PPP1R13B: variants seen among roughly 807,000 people sequenced by gnomAD.
PPP1R13B encodes protein phosphatase 1 regulatory subunit 13B, also known as apoptosis-stimulating of p53 protein 1.
Under a neutral mutation model 119.8 loss-of-function variants are expected in PPP1R13B, and 44 were observed. The observed-to-expected ratio is 0.37, with a 90% CI of 0.29 to 0.47. The LOEUF (loss-of-function observed/expected upper bound fraction) is 0.47. Ranked by LOEUF, PPP1R13B falls within the 20% of genes least tolerant of loss-of-function variation. PPP1R13B has a pLI of 0.99. For synonymous variants in PPP1R13B, 542 were observed against 561.5 expected, an observed-to-expected ratio of 0.97 and a Z score of 0.49; for missense variants, 1,227 against 1,413.5, an observed-to-expected ratio of 0.87 and a Z score of 2.12.
intron 1 of PPP1R13B, among the ~76,000 whole-genome samples, chr14:103,807,450 G>A (rs116090221): frequency 0.013 from 1,937 of 152,284 alleles, 41 homozygotes; most frequent in African/African-American, 0.043. Flanking sequence ...CTGAAGCAGT[G>A]CCTGGCACGT....
chr14:103,823,158 G>A (rs2086451847), intron 1 of PPP1R13B, among the ~76,000 whole-genome samples: 1 of 152,130 alleles, frequency 6.6e-6, no homozygotes, highest in East Asian at 1.9e-4. Context: ...GTAACACGGT[G>A]AAACCCTGTC....
chr14:103,734,350 G>T lies in PPP1R13B; in HGVS notation c.*804C>A. The T allele has an allele frequency of 5.3e-6, 2 of 373,836 alleles. No individual in the cohort carries two copies. Among genetic ancestry groups the T allele is most frequent in the Admixed American group, 3.1e-5 (1 of 32,278 alleles). 23.2% of individuals were successfully genotyped at this position (373,836 alleles called of 1,614,324 possible). On this transcript the variant is annotated 3_prime_UTR_variant, in exon 17 of 17. Coordinates refer to ENST00000202556, the MANE Select transcript of PPP1R13B (RefSeq NM_015316.3). ...GCCCCAACCCCAACCACCCTCCGCT[G>T]CCACGGCCTCCAGCACCTGACTCCA...
At chr14:103,753,968 T>C in intron 6 of PPP1R13B, 102 bp downstream of exon 6, 3 of 1,379,702 alleles carry the variant, frequency 2.2e-6, no homozygotes, top group Non-Finnish European at 3.0e-6. Flanking sequence ...GCTTGCTATT[T>C]AGTCCTGTGA....
chr14:103,792,169 C>CGTGTGTGTGTGTGTGTGTGTGTGT (rs58782839), intron 2 of PPP1R13B, among the ~76,000 whole-genome samples: 4 of 137,172 alleles, frequency 2.9e-5, no homozygotes, highest in African/African-American at 8.0e-5. Context: ...CTCTATTCAT[C>CGTGTGTGTGTGTGTGTGTGTGTGT]GTGTGTGTGT....
intron 1 of PPP1R13B, chr14:103,846,633 C>A (rs1004009717): frequency 3.3e-5 from 14 of 420,854 alleles, no homozygotes; most frequent in South Asian, 1.7e-4. Context: ...AGGGAAGGGT[C>A]GGTAGGACGA....
intron 2 of PPP1R13B, among the ~76,000 whole-genome samples, chr14:103,789,616 C>T (rs111895424): frequency 1.3e-5 from 2 of 151,956 alleles, no homozygotes; most frequent in Admixed American, 1.3e-4. Flanking sequence ...CGGGTTCAAG[C>T]GATTCTCCTG....
At chr14:103,735,872 C>A in intron 16 of PPP1R13B, 131 bp downstream of exon 16, 1 of 1,001,950 alleles carries the variant, frequency 1.0e-6, no homozygotes, top group South Asian at 1.6e-5. Context: ...TAGGCACCTC[C>A]CCCTCTACAG....
chr14:103,762,332 A>G (rs2084826273), intron 4 of PPP1R13B, among the ~76,000 whole-genome samples: 1 of 151,910 alleles, frequency 6.6e-6, no homozygotes, highest in Admixed American at 6.6e-5. Context: ...TTAAACATCT[A>G]CTGGCAAATG....
Position 103,740,666 on chromosome 14 carries a change from C to T in PPP1R13B, c.1823-73G>A, listed in dbSNP as rs2151964862. 7.9e-7 allele frequency: 1 copy of T among 1,262,696 alleles called. No individual in the cohort carries two copies. Among genetic ancestry groups the T allele is most frequent in the Non-Finnish European group, 1.0e-6 (1 of 963,790 alleles). 78.2% of individuals were successfully genotyped at this position (1,262,696 alleles called of 1,614,324 possible). A position where few individuals can be genotyped will look rare whatever the true frequency, so the allele number is the denominator to read the frequency against. Reference sequence around the variant, plus strand: ...CTAGTCATACACACCTATGATTACACCAGAGACAGGCTCCTGCAAAGACAC... The same window carrying T: ...CTAGTCATACACACCTATGATTACATCAGAGACAGGCTCCTGCAAAGACAC... On this transcript the variant is annotated intron_variant, in intron 11 of 16. Transcript: ENST00000202556. The surrounding 1 kb of genome is among the most constrained non-coding windows in gnomAD (Gnocchi z 4.6).
At chr14:103,737,567 C>T (rs1230135681) in intron 15 of PPP1R13B, 127 bp downstream of exon 15, 1 of 1,220,002 alleles carries the variant, frequency 8.2e-7, no homozygotes, top group Middle Eastern at 2.8e-4. Flanking sequence ...CAGAATGAGA[C>T]CTTGTCTCCT....
chr14:103,844,258 A>C (rs1049450447), intron 1 of PPP1R13B, among the ~76,000 whole-genome samples: 8 of 151,016 alleles, frequency 5.3e-5, no homozygotes, highest in Non-Finnish European at 8.9e-5. Context: ...CAGGAGTGAA[A>C]CCCTGTCTCG....
intron 3 of PPP1R13B, among the ~76,000 whole-genome samples, chr14:103,784,506 T>C (rs7401901): frequency 0.46 from 66,284 of 143,700 alleles, 15,294 homozygotes; most frequent in African/African-American, 0.58. Flanking sequence ...TCCCTTGAAC[T>C]CCGGAGGTGG....
intron 4 of PPP1R13B, among the ~76,000 whole-genome samples, chr14:103,759,726 C>G (rs2084760741): frequency 6.6e-6 from 1 of 152,070 alleles, no homozygotes; most frequent in East Asian, 1.9e-4. Flanking sequence ...TCTGGTCTCC[C>G]CCACCAAAGG....
At chr14:103,803,672 T>A (rs1012332351) in intron 1 of PPP1R13B, among the ~76,000 whole-genome samples, 5 of 152,142 alleles carry the variant, frequency 3.3e-5, no homozygotes, top group African/African-American at 4.8e-5. Flanking sequence ...AATAATTAAT[T>A]AATAAACAAA....
intron 4 of PPP1R13B, among the ~76,000 whole-genome samples, chr14:103,773,868 T>A (rs2085124061): frequency 6.6e-6 from 1 of 152,194 alleles, no homozygotes; most frequent in African/African-American, 2.4e-5. Context: ...TAAAAGTTTT[T>A]CTCTAGACAG....
chr14:103,804,089 AT>A (rs112693633), intron 1 of PPP1R13B: 982 of 917,026 alleles, frequency 1.1e-3, no homozygotes, highest in African/African-American at 2.5e-3. Context: ...AACTTGCTCC[AT>A]TTTTTTTTTC....
In PPP1R13B at chr14:103,740,602, G is replaced by C; in HGVS notation, c.1823-9C>G. The C allele has an allele frequency of 6.7e-7, 1 of 1,497,616 alleles. No individual in the cohort carries two copies. The highest frequency in any genetic ancestry group is 8.9e-7 in the Non-Finnish European group (1 of 1,125,308). 92.8% of individuals were successfully genotyped at this position (1,497,616 alleles called of 1,614,324 possible). On this transcript the variant is annotated splice_polypyrimidine_tract_variant and intron_variant, in intron 11 of 16. Transcript: ENST00000202556. The surrounding 1 kb of genome is among the most constrained non-coding windows in gnomAD (Gnocchi z 4.6). ...AACGGGCTTACCATACACTGGGGAA[G>C]ACACAAAGGACAGGCAATTTTGACC... is the stretch of plus-strand genomic sequence containing the variant.
chr14:103,831,707 G>A (rs890308948), intron 1 of PPP1R13B, among the ~76,000 whole-genome samples: 20 of 151,926 alleles, frequency 1.3e-4, no homozygotes, highest in African/African-American at 4.8e-4. Flanking sequence ...AGGCCAAGGT[G>A]GGTGGATCAC....
chr14:103,820,210 C>G (rs1155751), intron 1 of PPP1R13B, among the ~76,000 whole-genome samples: 61,888 of 152,022 alleles, frequency 0.41, 12,766 homozygotes, highest in African/African-American at 0.44. Flanking sequence ...CCCTTCTCAC[C>G]ACCCCACCAG....
Sources: gnomAD v4.1 joint callset for allele counts (sites outside exome capture counted in the v4.1 genomes callset) on GRCh38, gnomAD v4.1.1 for gene constraint, Gnocchi (gnomAD v3.1) non-coding constraint, MANE v1.5 for transcripts, NCBI Gene and HGNC (gene_info 2026-07-23, HGNC 2026-07-21) for gene names.